Variants in CAMTA1 observed in about 807,000 individuals in gnomAD.
The protein encoded by CAMTA1 is calmodulin binding transcription activator 1.
Under a neutral mutation model 170.9 loss-of-function variants are expected in CAMTA1, and 27 were observed. The observed-to-expected ratio is 0.16, with a 90% CI of 0.12 to 0.22. The LOEUF (loss-of-function observed/expected upper bound fraction) is 0.22, where lower values mean the gene tolerates loss of function less well. Ranked by LOEUF, CAMTA1 falls within the 10% of genes least tolerant of loss-of-function variation. CAMTA1 has a pLI of 1.00. For synonymous variants in CAMTA1, 833 were observed against 891.5 expected, an observed-to-expected ratio of 0.93 and a Z score of 1.17; for missense variants, 1,619 against 2,217.2, an observed-to-expected ratio of 0.73 and a Z score of 5.42.
intron 3 of CAMTA1, among the ~76,000 whole-genome samples, chr1:6,876,341 GTTTC>G (rs889555571): frequency 2.0e-5 from 3 of 151,582 alleles, no homozygotes; most frequent in Non-Finnish European, 4.4e-5. Context: ...GCAAATGAAT[GTTTC>G]TTTATTTTTT....
intron 3 of CAMTA1, among the ~76,000 whole-genome samples, chr1:6,926,698 T>TCC (rs1683346775): frequency 6.9e-6 from 1 of 144,242 alleles, no homozygotes; most frequent in African/African-American, 2.5e-5. Flanking sequence ...CTTCCCTCCT[T>TCC]CTCTCCTTCC....
chr1:6,936,970 A>G (rs1481083147), intron 3 of CAMTA1, among the ~76,000 whole-genome samples: 1 of 152,132 alleles, frequency 6.6e-6, no homozygotes, highest in Non-Finnish European at 1.5e-5. Flanking sequence ...CCTGGGCGAC[A>G]GAGTGAGACT....
intron 6 of CAMTA1, among the ~76,000 whole-genome samples, chr1:7,504,912 G>A (rs1174185040): frequency 2.0e-5 from 3 of 152,136 alleles, no homozygotes; most frequent in Non-Finnish European, 2.9e-5. Flanking sequence ...TCAGTGTAGC[G>A]CACAGCCTCC....
chr1:7,000,089 G>A (rs1046819346), intron 3 of CAMTA1, among the ~76,000 whole-genome samples: 7 of 152,232 alleles, frequency 4.6e-5, no homozygotes, highest in South Asian at 2.1e-4. Flanking sequence ...CTGGGTGAGG[G>A]GCTGGTGCTT....
chr1:7,491,635 T>G (rs2093705206), intron 6 of CAMTA1, among the ~76,000 whole-genome samples: 1 of 152,140 alleles, frequency 6.6e-6, no homozygotes, highest in Non-Finnish European at 1.5e-5. Context: ...TGAATAGTGT[T>G]GATCCGTTGC....
chr1:6,891,089 A>T (rs1332388177), intron 3 of CAMTA1, among the ~76,000 whole-genome samples: 1 of 152,232 alleles, frequency 6.6e-6, no homozygotes, highest in East Asian at 1.9e-4. Flanking sequence ...TGACCTATGC[A>T]GACTGCTGCT....
intron 6 of CAMTA1, among the ~76,000 whole-genome samples, chr1:7,612,027 G>A (rs967975117): frequency 6.6e-6 from 1 of 152,252 alleles, no homozygotes; most frequent in Non-Finnish European, 1.5e-5. Context: ...CTGGCCCCAT[G>A]GTAGCATCTA....
rs1692421742 is a variant in CAMTA1, at chr1:6,970,963, C to T, written c.235-120341C>T. Among the ~76,000 whole-genome samples, 1 of 152,178 alleles carries T rather than the reference C, an allele frequency of 6.6e-6. No homozygotes were observed. The highest frequency in any genetic ancestry group is 1.5e-5 in the Non-Finnish European group (1 of 68,026). ...TCCTAAACCAGGCCGGCCCTGTCAG[C>T]CTGGCTCCAAACTTCACTCCCTGGC... is the stretch of plus-strand genomic sequence containing the variant. On this transcript the variant is annotated intron_variant, in intron 3 of 22. Transcript: ENST00000303635. This position sits in a 1 kb window ranked among gnomAD's most constrained non-coding sequence, Gnocchi z 4.4.
intron 4 of CAMTA1, among the ~76,000 whole-genome samples, chr1:7,108,733 C>T (rs1259163426): frequency 2.0e-5 from 3 of 152,202 alleles, no homozygotes; most frequent in Admixed American, 6.5e-5. Context: ...TATTGACAAT[C>T]GTATTAGTTA....
At chr1:7,429,499 A>T (rs1018083847) in intron 5 of CAMTA1, among the ~76,000 whole-genome samples, 1 of 151,868 alleles carries the variant, frequency 6.6e-6, no homozygotes, top group African/African-American at 2.4e-5. Context: ...GATGGTGATG[A>T]TGGTGGTAAT....
intron 6 of CAMTA1, among the ~76,000 whole-genome samples, chr1:7,617,947 C>T (rs982670023): frequency 1.3e-5 from 2 of 152,172 alleles, no homozygotes; most frequent in African/African-American, 4.8e-5. Flanking sequence ...AGGCCTGGCA[C>T]AGATCGACAT....
intron 3 of CAMTA1, among the ~76,000 whole-genome samples, chr1:6,835,503 T>A (rs1407672539): frequency 1.3e-5 from 2 of 152,184 alleles, no homozygotes; most frequent in Non-Finnish European, 2.9e-5. Flanking sequence ...GGAGTCAGAA[T>A]CACCTGGGAG....
intron 4 of CAMTA1, among the ~76,000 whole-genome samples, chr1:7,163,025 T>A (rs1418700027): frequency 6.3e-5 from 9 of 143,314 alleles, no homozygotes. Flanking sequence ...TGTGAGGCAC[T>A]AAGGGAGGCT....
intron 3 of CAMTA1, among the ~76,000 whole-genome samples, chr1:7,029,285 A>C (rs921453491): frequency 3.3e-5 from 5 of 151,936 alleles, no homozygotes; most frequent in African/African-American, 1.2e-4. Context: ...GTGGATCACA[A>C]GGTCAGGAGA....
At chr1:6,957,557 A>G (rs373150380) in intron 3 of CAMTA1, among the ~76,000 whole-genome samples, 3 of 152,134 alleles carry the variant, frequency 2.0e-5, no homozygotes, top group Non-Finnish European at 2.9e-5. Context: ...TCCGTCGTCA[A>G]AGCCAGCACT....
Position 7,164,311 on chromosome 1 carries a change from G to A in CAMTA1, c.302+72940G>A, listed in dbSNP as rs934844387. ...GAAGTTGAGGCAGACAGACTGAATTGGGTCGTTGAAGGAGTTTGCCAGTTT... is the reference window on the plus strand; with the variant it reads ...GAAGTTGAGGCAGACAGACTGAATTAGGTCGTTGAAGGAGTTTGCCAGTTT... On this transcript the variant is annotated intron_variant, in intron 4 of 22. Coordinates refer to ENST00000303635, the MANE Select transcript of CAMTA1 (RefSeq NM_015215.4). 2.0e-5 allele frequency among the ~76,000 whole-genome samples: 3 copies of A among 152,218 alleles called. No homozygotes were observed. In the East Asian group the frequency reaches 5.8e-4, roughly 29 times the overall value.
intron 5 of CAMTA1, among the ~76,000 whole-genome samples, chr1:7,272,692 C>CAAAAAAAAAAAAAAAAAA (rs371588178): frequency 8.0e-4 from 31 of 38,804 alleles, no homozygotes; most frequent in South Asian, 1.8e-3. Flanking sequence ...TAAACACATG[C>CAAAAAAAAAAAAAAAAAA]AAAAAAAAAA....
chr1:6,852,357 C>T (rs558264898), intron 3 of CAMTA1, among the ~76,000 whole-genome samples: 25 of 152,122 alleles, frequency 1.6e-4, no homozygotes, highest in South Asian at 8.3e-4. Context: ...CTGTGGACTC[C>T]GGGTATTCTG....
At chr1:7,000,038 A>G (rs1288664110) in intron 3 of CAMTA1, among the ~76,000 whole-genome samples, 29 of 152,222 alleles carry the variant, frequency 1.9e-4, no homozygotes, top group Non-Finnish European at 1.5e-5. Context: ...TTCCACTGTG[A>G]TAGACTGTCT....
Sources: gnomAD v4.1 joint callset for allele counts (sites outside exome capture counted in the v4.1 genomes callset) on GRCh38, gnomAD v4.1.1 for gene constraint, Gnocchi (gnomAD v3.1) non-coding constraint, MANE v1.5 for transcripts, NCBI Gene and HGNC (gene_info 2026-07-23, HGNC 2026-07-21) for gene names.